The following TSC2 variants were observed in gnomAD, a reference collection of about 807,000 sequenced individuals.
The protein encoded by TSC2 is TSC complex subunit 2.
Under a neutral mutation model 202.2 loss-of-function variants are expected in TSC2, and 29 were observed. The observed-to-expected ratio is 0.14, with a 90% CI of 0.11 to 0.20. TSC2 has a LOEUF of 0.20. Ranked by LOEUF, TSC2 falls within the 10% of genes least tolerant of loss-of-function variation. The probability of loss-of-function intolerance (pLI) is 1.00; values close to 1 mark genes in which losing one functional copy is unlikely to be tolerated. For synonymous variants in TSC2, 1,349 were observed against 1,044.0 expected (o/e 1.29, Z -5.63); for missense variants, 2,429 against 2,420.0 (o/e 1.00, Z -0.08).
chr16:2,087,130 T>C lies in TSC2; in HGVS notation c.4989+259T>C. On this transcript the variant is annotated intron_variant, in intron 38 of 41. Coordinates refer to ENST00000219476, the MANE Select transcript of TSC2 (RefSeq NM_000548.5). ...GACTGGGTGTGCTGGGTGGGCACAG[T>C]GTAGTTGGTGCTTCCTGTCTGTCCG... The C allele has an allele frequency of 8.9e-6, 5 of 560,060 alleles. 1 individual carries two copies. The South Asian group carries it at 9.8e-5, about 11-fold the overall frequency. 34.7% of individuals were successfully genotyped at this position (560,060 alleles called of 1,614,324 possible).
intron 10 of TSC2, among the ~76,000 whole-genome samples, chr16:2,059,841 A>G (rs1356346207): frequency 6.6e-6 from 1 of 152,096 alleles, no homozygotes; most frequent in Non-Finnish European, 1.5e-5. Context: ...TTGTATTTTT[A>G]TTAGAGATGG....
rs988860926 is a variant in TSC2, at chr16:2,070,604, A to G, written c.1839+26A>G. 12 of 1,612,554 alleles carry G rather than the reference A, an allele frequency of 7.4e-6. No homozygotes were observed. In the African/African-American group the frequency reaches 1.1e-4, roughly 14 times the overall value. On this transcript the variant is annotated intron_variant, in intron 17 of 41. Transcript: ENST00000219476. The stretch of plus-strand genomic sequence containing the variant: ...GTATGGTGGCTGGGGTTGCGCAGCC[A>G]GTTCCTGGGGGCCCAGCCAGGTATC...
intron 6 of TSC2, 29 bp from the exon 7 acceptor site, chr16:2,056,166 TG>T: frequency 6.2e-7 from 1 of 1,613,382 alleles, no homozygotes; most frequent in South Asian, 1.1e-5. Context: ...CAGGCAGTGC[TG>T]CCGGGACTGA....
chr16:2,087,494 G>C (rs1596450361), intron 38 of TSC2, among the ~76,000 whole-genome samples: 2 of 151,926 alleles, frequency 1.3e-5, no homozygotes, highest in East Asian at 1.9e-4. Flanking sequence ...TTGGGGGGGG[G>C]GGGGCACCTG....
intron 26 of TSC2, 59 bp downstream of exon 26, chr16:2,077,785 G>A: frequency 1.2e-6 from 2 of 1,604,188 alleles, no homozygotes; most frequent in Non-Finnish European, 1.7e-6. Context: ...TGAGCACCTG[G>A]GTGGCAGTGC....
intron 30 of TSC2, 136 bp downstream of exon 30, chr16:2,080,513 T>C: frequency 9.7e-7 from 1 of 1,035,344 alleles, no homozygotes; most frequent in Non-Finnish European, 1.4e-6. Context: ...AGACAGAGTC[T>C]TGCTCTGTGG....
In TSC2 at chr16:2,048,046, G is replaced by C; in HGVS notation, c.-49G>C. On this transcript the variant is annotated 5_prime_UTR_variant, in exon 1 of 42. Transcript: ENST00000219476. ...TTTCTCCGCGTCGGGGCGGCCCGGA[G>C]CGCGGTGGCGCGGCGCGGGGTAAGT... 1 of 1,424,828 alleles carries C rather than the reference G, an allele frequency of 7.0e-7. No individual in the cohort carries two copies. The highest frequency in any genetic ancestry group is 2.9e-5 in the Admixed American group (1 of 34,064). 88.3% of individuals were successfully genotyped at this position (1,424,828 alleles called of 1,614,324 possible). A position where few individuals can be genotyped will look rare whatever the true frequency, so the allele number is the denominator to read the frequency against.
rs182327684 is a variant in TSC2, at chr16:2,086,850, C to T, written c.4968C>T (p.Asp1656=). Residue 1656 remains aspartate, a synonymous_variant, in exon 38 of 42, where the codon GAC becomes GAT. Coordinates refer to ENST00000219476, the MANE Select transcript of TSC2 (RefSeq NM_000548.5). ...TTGTCTACAATGACTCCGGTGAGGA[C>T]TTCAAGCTTGGCACCATCAAGGTGA... ...VSIVYNDSGE[D]FKLGTIKGQF... is the part of the protein sequence containing the mutation. 191 of 1,599,380 alleles carry T rather than the reference C, an allele frequency of 1.2e-4. 1 individual carries two copies. The East Asian group carries it at 3.4e-3, about 28-fold the overall frequency.
At chr16:2,078,171 G>A (rs1309071277) in intron 26 of TSC2, 7 of 244,472 alleles carry the variant, frequency 2.9e-5, no homozygotes, top group Admixed American at 1.5e-4. Context: ...CAGCCTGGGA[G>A]GGCCTGGGTG....
chr16:2,048,474 G>A (rs2084641817), intron 1 of TSC2, 113 bp from the exon 2 acceptor site: 49 of 1,347,552 alleles, frequency 3.6e-5, no homozygotes, highest in Admixed American at 3.9e-5. Flanking sequence ...GGGAGTGTGG[G>A]AGGAAAGGTT....
At chr16:2,071,003 G>A (rs958704055) in intron 17 of TSC2, among the ~76,000 whole-genome samples, 1 of 152,150 alleles carries the variant, frequency 6.6e-6, no homozygotes, top group Admixed American at 6.5e-5. Flanking sequence ...GGCAGGGATG[G>A]GCAGAACAGG....
In TSC2 at chr16:2,065,645, C is replaced by G. The variant is rs45464995; in HGVS notation, c.1716+10C>G. On this transcript the variant is annotated intron_variant, in intron 16 of 41. Coordinates refer to ENST00000219476, the MANE Select transcript of TSC2 (RefSeq NM_000548.5). The stretch of plus-strand genomic sequence containing the variant: ...TCTGGTCATCCTTCAGGTGGGTGTT[C>G]TGCACGAGGCCTCTGCTCCCGGGGC... 4 of 1,610,902 alleles carry G rather than the reference C, an allele frequency of 2.5e-6. No homozygotes were observed. Among genetic ancestry groups the G allele is most frequent in the Middle Eastern group, 1.7e-4 (1 of 6,036 alleles).
chr16:2,079,594 G>A lies in TSC2; in HGVS notation c.3322G>A (p.Ala1108Thr). The A allele has an allele frequency of 6.2e-7, 1 of 1,611,654 alleles. No homozygotes were observed. Among genetic ancestry groups the A allele is most frequent in the Non-Finnish European group, 8.5e-7 (1 of 1,179,544 alleles). Reference sequence around the variant, plus strand: ...GGTGCATGTGAGACAGACCAAGGAGGCGCCGGCCAAGCTGGAGTCCCAGGC... The same window carrying A: ...GGTGCATGTGAGACAGACCAAGGAGACGCCGGCCAAGCTGGAGTCCCAGGC... ...PGVHVRQTKE[A>T]PAKLESQAGQ... The change falls in exon 29 of 42, where the codon GCG (alanine) becomes ACG (threonine). Residue 1108 changes from alanine to threonine, a missense_variant. Physicochemically the swap from Ala to Thr is moderately conservative, Grantham distance 58. Coordinates refer to ENST00000219476, the MANE Select transcript of TSC2 (RefSeq NM_000548.5). This position sits in a 1 kb window ranked among gnomAD's most constrained non-coding sequence, Gnocchi z 4.6.
chr16:2,067,986 G>A (rs1158869180), intron 16 of TSC2, among the ~76,000 whole-genome samples: 1 of 152,202 alleles, frequency 6.6e-6, no homozygotes, highest in Non-Finnish European at 1.5e-5. Context: ...GGTCTGGGCT[G>A]CAGAACTGAG....
At position 2,081,762 on chromosome 16, in the gene TSC2, A is replaced by G. The variant is rs1310948800; in HGVS notation, c.3778A>G (p.Thr1260Ala). ...GTCACTGTCGGTGCCGGCAGCCAGC[A>G]CGGCCAAACCCCCTCCTCTGCCTCG... ...YKSLSVPAAS[T>A]AKPPPLPRSN... The change falls in exon 31 of 42, where the codon ACG (threonine) becomes GCG (alanine). Residue 1260 changes from threonine (T) to alanine (A), a missense_variant. Physicochemically the swap from Thr to Ala is moderately conservative, Grantham distance 58. Transcript: ENST00000219476. The G allele has an allele frequency of 6.2e-7, 1 of 1,612,760 alleles. No homozygotes were observed. Among genetic ancestry groups the G allele is most frequent in the Non-Finnish European group, 8.5e-7 (1 of 1,179,994 alleles).
intron 15 of TSC2, 146 bp downstream of exon 15, chr16:2,064,573 C>A: frequency 7.8e-7 from 1 of 1,273,990 alleles, no homozygotes. Flanking sequence ...GTGGGTGTCC[C>A]GAGGCCTGTG....
Position 2,085,211 on chromosome 16 carries a change from A to G in TSC2, c.4570-19A>G. On this transcript the variant is annotated intron_variant, in intron 35 of 41. Coordinates refer to ENST00000219476, the MANE Select transcript of TSC2 (RefSeq NM_000548.5). Reference sequence around the variant, plus strand: ...GTGGACGGGCGTCTGGGGCTCAGGCAGGGCTCTGTGTGCCACAGTCACAGT... The same window carrying G: ...GTGGACGGGCGTCTGGGGCTCAGGCGGGGCTCTGTGTGCCACAGTCACAGT... 2 of 1,612,620 alleles carry G rather than the reference A, an allele frequency of 1.2e-6. No homozygotes were observed. The highest frequency in any genetic ancestry group is 1.7e-6 in the Non-Finnish European group (2 of 1,179,880).
chr16:2,080,703 C>G (rs554066973), intron 30 of TSC2: 6 of 332,674 alleles, frequency 1.8e-5, no homozygotes, highest in East Asian at 6.9e-5. Context: ...CCAGGATGGT[C>G]TCAATCTCCT....
Position 2,088,944 on chromosome 16 carries a change from T to G in TSC2, c.*334T>G. ...GGAGCCAGCCCCCAGGAGGAGTCTT[T>G]TCCTCTAACCACCCTGGGGTCCTCT... is the stretch of plus-strand genomic sequence containing the variant. On this transcript the variant is annotated 3_prime_UTR_variant, in exon 42 of 42. Coordinates refer to ENST00000219476, the MANE Select transcript of TSC2 (RefSeq NM_000548.5). The G allele has an allele frequency of 8.4e-6, 3 of 357,080 alleles. No homozygotes were observed. Among genetic ancestry groups the G allele is most frequent in the East Asian group, 1.1e-4 (2 of 17,724 alleles). The allele number at this position is 357,080 out of a possible 1,614,324, so 22.1% of individuals were successfully genotyped here. A position where few individuals can be genotyped will look rare whatever the true frequency, so the allele number is the denominator to read the frequency against.
Sources: gnomAD v4.1 joint callset for allele counts (sites outside exome capture counted in the v4.1 genomes callset) on GRCh38, gnomAD v4.1.1 for gene constraint, Gnocchi (gnomAD v3.1) non-coding constraint, MANE v1.5 for transcripts, NCBI Gene and HGNC (gene_info 2026-07-23, HGNC 2026-07-21) for gene names.